Variants in PDGFRL observed in about 807,000 individuals in gnomAD.
The protein encoded by PDGFRL is platelet derived growth factor receptor like, also known as platelet-derived growth factor receptor-like protein.
A neutral mutation model predicts 37.2 loss-of-function variants in PDGFRL; 46 were observed. The ratio of observed to expected loss-of-function variants is 1.24; its 90% CI spans 0.98 to 1.58. The LOEUF (loss-of-function observed/expected upper bound fraction) is 1.58. Ranked by LOEUF, PDGFRL falls within the 40% of genes most tolerant of loss-of-function variation. The pLI, the probability that PDGFRL is intolerant of heterozygous loss-of-function variation, is 0.00. For missense variants in PDGFRL, 692 were observed against 467.6 expected, an observed-to-expected ratio of 1.48 and a Z score of -4.43; for synonymous variants, 251 against 184.3, an observed-to-expected ratio of 1.36 and a Z score of -2.93.
At chr8:17,638,531 C>T (rs1163255119) in intron 5 of PDGFRL, among the ~76,000 whole-genome samples, 1 of 151,138 alleles carries the variant, frequency 6.6e-6, no homozygotes, top group Admixed American at 6.6e-5. Context: ...GTTGTTGGGT[C>T]GAATGTTCTA....
chr8:17,603,360 T>C (rs546296856), intron 2 of PDGFRL, among the ~76,000 whole-genome samples: 1 of 152,342 alleles, frequency 6.6e-6, no homozygotes, highest in African/African-American at 2.4e-5. Flanking sequence ...AATTTATTCA[T>C]GCCCCTGTCC....
intron 2 of PDGFRL, among the ~76,000 whole-genome samples, chr8:17,601,192 A>G (rs1328301743): frequency 2.6e-5 from 4 of 152,302 alleles, no homozygotes; most frequent in East Asian, 1.9e-4. Context: ...ACTTCTTCCT[A>G]TCACAACAGC....
At chr8:17,588,594 G>A (rs1393798853) in intron 1 of PDGFRL, among the ~76,000 whole-genome samples, 1 of 152,134 alleles carries the variant, frequency 6.6e-6, no homozygotes, top group Non-Finnish European at 1.5e-5. Context: ...GATCACTTGA[G>A]CCCAGGAGTT....
At chr8:17,607,445 C>T (rs923111638) in intron 2 of PDGFRL, among the ~76,000 whole-genome samples, 34 of 152,168 alleles carry the variant, frequency 2.2e-4, no homozygotes, top group African/African-American at 8.2e-4. Flanking sequence ...CAAAACATTT[C>T]ATTTCTTGAG....
chr8:17,626,470 C>T (rs1393660566), intron 3 of PDGFRL, among the ~76,000 whole-genome samples: 1 of 152,086 alleles, frequency 6.6e-6, no homozygotes, highest in East Asian at 1.9e-4. Context: ...TACTTACAGC[C>T]CAAGAACTCT....
chr8:17,591,647 G>A (rs949269709), intron 2 of PDGFRL, among the ~76,000 whole-genome samples: 2 of 152,248 alleles, frequency 1.3e-5, no homozygotes, highest in Non-Finnish European at 2.9e-5. Context: ...TGGGCACGGT[G>A]GCTCACGCCT....
At chr8:17,591,870 C>T (rs936565728) in intron 2 of PDGFRL, among the ~76,000 whole-genome samples, 1 of 152,128 alleles carries the variant, frequency 6.6e-6, no homozygotes, top group Non-Finnish European at 1.5e-5. Context: ...GAGCCGAGAT[C>T]AGGCCACTGT....
Position 17,609,617 on chromosome 8 carries a change from GAC to G in PDGFRL, c.354-11432_354-11431del, listed in dbSNP as rs531791520. Among the ~76,000 whole-genome samples the G allele has an allele frequency of 2.0e-4, 24 of 117,414 alleles. 1 individual carries two copies. In the South Asian group the frequency reaches 7.3e-3, roughly 36 times the overall value. 77.0% of individuals were successfully genotyped at this position (117,414 alleles called of 152,430 possible). On this transcript the variant is annotated intron_variant, in intron 2 of 5. Coordinates refer to ENST00000251630, the MANE Select transcript of PDGFRL (RefSeq NM_001372073.1). Reference sequence around the variant, plus strand: ...CACGCCACTGCACTCCAGCCTGGGTGACAGAGTGAGACTCTGTAAAAAAAAAA... The same window carrying G: ...CACGCCACTGCACTCCAGCCTGGGTGAGAGTGAGACTCTGTAAAAAAAAAA...
chr8:17,614,843 C>T (rs1239378052), intron 2 of PDGFRL, among the ~76,000 whole-genome samples: 1 of 152,170 alleles, frequency 6.6e-6, no homozygotes, highest in Non-Finnish European at 1.5e-5. Context: ...ACCTGAGGCA[C>T]CCTGGGAAAG....
chr8:17,619,791 C>G (rs372902339), intron 2 of PDGFRL, among the ~76,000 whole-genome samples: 1 of 152,224 alleles, frequency 6.6e-6, no homozygotes, highest in Non-Finnish European at 1.5e-5. Flanking sequence ...CCAAGGCTTT[C>G]TGGCTGAACT....
chr8:17,621,037 T>A lies in PDGFRL; in HGVS notation c.354-14T>A, dbSNP rs1804619236. ...GTCTGACTTGCTTTGAGTTCATGTGTCTTTTATTCCTAGCGTCAAGCAGAA... is the reference window on the plus strand; with the variant it reads ...GTCTGACTTGCTTTGAGTTCATGTGACTTTTATTCCTAGCGTCAAGCAGAA... On this transcript the variant is annotated splice_polypyrimidine_tract_variant and intron_variant, in intron 2 of 5. Transcript: ENST00000251630. The A allele has an allele frequency of 3.2e-6, 5 of 1,578,734 alleles. No homozygotes were observed. Among genetic ancestry groups the A allele is most frequent in the Non-Finnish European group, 4.3e-6 (5 of 1,155,612 alleles).
rs1333613998 is a variant in PDGFRL, at chr8:17,577,268, CTGCTTGGTCTTCTGCTGG to C, written c.20_37del (p.Leu7_Val12del). On this transcript the variant is annotated inframe_deletion, in exon 1 of 6. Coordinates refer to ENST00000251630, the MANE Select transcript of PDGFRL (RefSeq NM_001372073.1). ...GGTTCCCGAGATGAAGGTCTGGCTG[CTGCTTGGTCTTCTGCTGG>C]TGCACGAAGCGCTGGAGGATGGTGA... 6.2e-7 allele frequency: 1 copy of C among 1,612,928 alleles called. No individual in the cohort carries two copies. Among genetic ancestry groups the C allele is most frequent in the East Asian group, 2.2e-5 (1 of 44,786 alleles).
In PDGFRL at chr8:17,589,705, G is replaced by C; in HGVS notation, c.293G>C (p.Gly98Ala). 1 of 1,613,532 alleles carries C rather than the reference G, an allele frequency of 6.2e-7. No homozygotes were observed. The highest frequency in any genetic ancestry group is 1.1e-5 in the South Asian group (1 of 91,068). Residue 98 changes from glycine to alanine, a missense_variant, in exon 2 of 6, where the codon GGG (glycine) becomes GCG (alanine). Coordinates refer to ENST00000251630, the MANE Select transcript of PDGFRL (RefSeq NM_001372073.1). The part of the protein sequence containing the change: ...AGQTVELRCK[G>A]SRIGWSYPAY... ...CAAACTGTAGAGCTTCGATGTAAAG[G>C]GAGTAGAATTGGGTGGAGCTACCCT... is the stretch of plus-strand genomic sequence containing the variant.
At chr8:17,586,300 T>C (rs1046734484) in intron 1 of PDGFRL, among the ~76,000 whole-genome samples, 2 of 152,176 alleles carry the variant, frequency 1.3e-5, no homozygotes, top group African/African-American at 4.8e-5. Context: ...GGATCCAGTG[T>C]GTGCCTTGGA....
At chr8:17,618,261 G>C (rs1486325493) in intron 2 of PDGFRL, among the ~76,000 whole-genome samples, 2 of 151,978 alleles carry the variant, frequency 1.3e-5, no homozygotes, top group Non-Finnish European at 1.5e-5. Flanking sequence ...TTGCTATGTT[G>C]CCCAATCTGG....
chr8:17,628,744 C>G lies in PDGFRL; in HGVS notation c.763C>G (p.Gln255Glu). 1 of 1,614,026 alleles carries G rather than the reference C, an allele frequency of 6.2e-7. No homozygotes were observed. The highest frequency in any genetic ancestry group is 8.5e-7 in the Non-Finnish European group (1 of 1,179,896). ...CAGGGCGGAGGCCGGGGGCAGATCT[C>G]AGATCTCCGTCAAGTACCAGCTGCT... ...YCRAEAGGRS[Q>E]ISVKYQLLYV... Residue 255 changes from glutamine (Q) to glutamate (E), a missense_variant, in exon 4 of 6, where the codon CAG becomes GAG. Physicochemically the swap from Gln to Glu is conservative, Grantham distance 29. Coordinates refer to ENST00000251630, the MANE Select transcript of PDGFRL (RefSeq NM_001372073.1).
intron 1 of PDGFRL, among the ~76,000 whole-genome samples, chr8:17,578,858 A>T (rs1585293023): frequency 6.6e-6 from 1 of 152,364 alleles, no homozygotes; most frequent in East Asian, 1.9e-4. Context: ...TGTAAGAAAT[A>T]GTTCATAAAT....
chr8:17,578,035 T>C (rs1223850332), intron 1 of PDGFRL, among the ~76,000 whole-genome samples: 2 of 40,740 alleles, frequency 4.9e-5, no homozygotes, highest in Non-Finnish European at 2.2e-4. Flanking sequence ...GACCACAGGG[T>C]CTGGTGTTAT....
At chr8:17,586,918 A>T (rs1028964002) in intron 1 of PDGFRL, among the ~76,000 whole-genome samples, 3 of 152,234 alleles carry the variant, frequency 2.0e-5, no homozygotes, top group Non-Finnish European at 4.4e-5. Flanking sequence ...CTATTTCTCT[A>T]TAAATTATAC....
Sources: allele counts gnomAD v4.1 joint callset (sites outside exome capture counted in the v4.1 genomes callset), GRCh38; gene constraint gnomAD v4.1.1; transcripts MANE v1.5; gene names NCBI Gene and HGNC (gene_info 2026-07-23, HGNC 2026-07-21).